The following ERC2 variants were observed in gnomAD, a reference collection of about 807,000 sequenced individuals.
ERC2 encodes the protein ELKS/RAB6-interacting/CAST family member 2.
ERC2 carries 42 observed loss-of-function variants against 114.8 expected under a neutral mutation model. That is an observed-to-expected ratio of 0.37 (90% CI 0.29 to 0.47). The LOEUF (loss-of-function observed/expected upper bound fraction) is 0.47. Among genes scored for constraint, ERC2 ranks in the 20% least tolerant of loss-of-function variants. The pLI, the probability that ERC2 is intolerant of heterozygous loss-of-function variation, is 0.99. For missense variants in ERC2, 939 were observed against 1,150.7 expected (o/e 0.82, Z 2.66); for synonymous variants, 454 against 425.5 (o/e 1.07, Z -0.82).
chr3:55,812,887 C>T (rs2059774028), intron 14 of ERC2, among the ~76,000 whole-genome samples: 1 of 152,224 alleles, frequency 6.6e-6, no homozygotes. Context: ...GTCTTGCATG[C>T]TGCCTGGACC....
At chr3:56,342,362 A>G (rs2058121709) in intron 2 of ERC2, among the ~76,000 whole-genome samples, 1 of 152,266 alleles carries the variant, frequency 6.6e-6, no homozygotes, top group South Asian at 2.1e-4. Flanking sequence ...AAGTAATTTC[A>G]GTGTTAGATT....
chr3:56,252,254 G>A (rs924206867), intron 3 of ERC2, among the ~76,000 whole-genome samples: 2 of 152,138 alleles, frequency 1.3e-5, no homozygotes, highest in African/African-American at 4.8e-5. Context: ...TAATCTGGCT[G>A]AAAATTGATC....
intron 3 of ERC2, among the ~76,000 whole-genome samples, chr3:56,239,838 T>C (rs1476885302): frequency 6.6e-6 from 1 of 152,254 alleles, no homozygotes; most frequent in Admixed American, 6.5e-5. Flanking sequence ...AATGTATCTC[T>C]GGCTTCCATA....
chr3:55,576,820 G>A (rs1241387719), intron 17 of ERC2, among the ~76,000 whole-genome samples: 1 of 152,240 alleles, frequency 6.6e-6, no homozygotes, highest in Non-Finnish European at 1.5e-5. Context: ...GTGGCAACAA[G>A]AGTCAGTCAC....
intron 7 of ERC2, among the ~76,000 whole-genome samples, chr3:56,035,462 G>A (rs2074731063): frequency 6.6e-6 from 1 of 152,170 alleles, no homozygotes; most frequent in Non-Finnish European, 1.5e-5. Context: ...GCTATGGTCT[G>A]AATGCATCCC....
Position 56,334,191 on chromosome 3 carries a change from C to T in ERC2, c.658-37756G>A, listed in dbSNP as rs559359444. Among the ~76,000 whole-genome samples the T allele has an allele frequency of 1.7e-4, 26 of 152,190 alleles. 1 individual carries two copies. The highest frequency in any genetic ancestry group is 1.5e-3 in the Admixed American group (23 of 15,272). ...CCCAAATCCCTTGGATGCCAAGGTA[C>T]AAGAAGGTGCCTGGAGCATCTGGGG... is the stretch of plus-strand genomic sequence containing the variant. On this transcript the variant is annotated intron_variant, in intron 2 of 17. Coordinates refer to ENST00000288221, the MANE Select transcript of ERC2 (RefSeq NM_015576.3).
At chr3:55,654,647 G>A (rs1028994740) in intron 17 of ERC2, among the ~76,000 whole-genome samples, 61 of 152,172 alleles carry the variant, frequency 4.0e-4, no homozygotes, top group African/African-American at 1.1e-3. Flanking sequence ...AGAGGCAAGC[G>A]CGGCCAGCAG....
chr3:56,167,675 A>T (rs533670250), intron 4 of ERC2, among the ~76,000 whole-genome samples: 1 of 152,296 alleles, frequency 6.6e-6, no homozygotes, highest in Admixed American at 6.5e-5. Flanking sequence ...AAGAAAAAAA[A>T]GTAAGCTAAA....
intron 3 of ERC2, among the ~76,000 whole-genome samples, chr3:56,206,180 A>C (rs1284045452): frequency 6.7e-6 from 1 of 148,758 alleles, no homozygotes; most frequent in Non-Finnish European, 1.5e-5. Context: ...CAGCCAGAAA[A>C]ACACACACAC....
At chr3:56,284,797 C>T (rs1314684157) in intron 3 of ERC2, among the ~76,000 whole-genome samples, 1 of 152,044 alleles carries the variant, frequency 6.6e-6, no homozygotes, top group Non-Finnish European at 1.5e-5. Flanking sequence ...CCAATCTTCC[C>T]ATGTGGTATA....
At chr3:56,330,614 A>G (rs755011876) in intron 2 of ERC2, among the ~76,000 whole-genome samples, 46 of 152,326 alleles carry the variant, frequency 3.0e-4, no homozygotes, top group Non-Finnish European at 5.6e-4. Flanking sequence ...TAGGGATACC[A>G]AATTTGAAAA....
At chr3:56,199,207 T>TG (rs947175424) in intron 3 of ERC2, among the ~76,000 whole-genome samples, 1 of 152,070 alleles carries the variant, frequency 6.6e-6, no homozygotes, top group African/African-American at 2.4e-5. Flanking sequence ...CCAAGAATGC[T>TG]GGGGAAGGGG....
chr3:56,212,155 G>C (rs2150124913), intron 3 of ERC2, among the ~76,000 whole-genome samples: 1 of 152,072 alleles, frequency 6.6e-6, no homozygotes, highest in East Asian at 1.9e-4. Flanking sequence ...ACAGAGAACA[G>C]AATAAACAGA....
intron 12 of ERC2, among the ~76,000 whole-genome samples, chr3:55,967,219 T>A (rs567013637): frequency 6.6e-6 from 1 of 152,236 alleles, no homozygotes; most frequent in Non-Finnish European, 1.5e-5. Flanking sequence ...AGCTGTAGCA[T>A]AATTTAGAAA....
intron 13 of ERC2, among the ~76,000 whole-genome samples, chr3:55,934,924 GA>G (rs983735368): frequency 1.3e-5 from 2 of 152,172 alleles, no homozygotes; most frequent in African/African-American, 4.8e-5. Flanking sequence ...CGGTCTGGGG[GA>G]AAAAAAGATA....
At chr3:56,219,401 C>G (rs1229120958) in intron 3 of ERC2, among the ~76,000 whole-genome samples, 1 of 152,068 alleles carries the variant, frequency 6.6e-6, no homozygotes, top group African/African-American at 2.4e-5. Flanking sequence ...TCATTTACTT[C>G]TTAAACAGAC....
At chr3:55,935,346 A>T (rs780270674) in intron 13 of ERC2, among the ~76,000 whole-genome samples, 1 of 152,226 alleles carries the variant, frequency 6.6e-6, no homozygotes, top group Admixed American at 6.5e-5. Context: ...TTGAAATGTG[A>T]GTGCCAAAAA....
intron 2 of ERC2, among the ~76,000 whole-genome samples, chr3:56,339,001 T>C (rs778641445): frequency 2.6e-5 from 4 of 151,938 alleles, no homozygotes; most frequent in African/African-American, 9.7e-5. Flanking sequence ...CCAGCAAAGG[T>C]AGGGAGAGGG....
chr3:55,896,028 T>C (rs2063827339), intron 13 of ERC2, among the ~76,000 whole-genome samples: 1 of 152,118 alleles, frequency 6.6e-6, no homozygotes, highest in Non-Finnish European at 1.5e-5. Context: ...TAAAGATGTC[T>C]CAGGTTCTGC....
Sources: allele counts gnomAD v4.1 joint callset (sites outside exome capture counted in the v4.1 genomes callset), GRCh38; gene constraint gnomAD v4.1.1; transcripts MANE v1.5; gene names NCBI Gene and HGNC (gene_info 2026-07-23, HGNC 2026-07-21).